The following RNF125 variants were observed in gnomAD, a reference collection of about 807,000 sequenced individuals.
The protein encoded by RNF125 is E3 ubiquitin-protein ligase RNF125.
In RNF125, 21 loss-of-function variants were observed where a neutral mutation model predicts 26.0. The ratio of observed to expected loss-of-function variants is 0.81; its 90% CI spans 0.57 to 1.16. The LOEUF (loss-of-function observed/expected upper bound fraction) is 1.16, where lower values mean the gene tolerates loss of function less well. RNF125 is among the 50% of genes most tolerant of loss of function. The pLI is 0.00. For missense variants in RNF125, 270 were observed against 299.4 expected (o/e 0.90, Z 0.72); for synonymous variants, 95 against 109.2 (o/e 0.87, Z 0.81).
intron 1 of RNF125, among the ~76,000 whole-genome samples, chr18:32,024,206 TTTC>T (rs755102068): frequency 0.01 from 1,015 of 97,268 alleles, 80 homozygotes; most frequent in African/African-American, 0.032. Context: ...TTTTTTTTTT[TTTC>T]TTTTTTTTTT....
Position 32,037,241 on chromosome 18 carries a change from A to G in RNF125, c.290A>G (p.Tyr97Cys), listed in dbSNP as rs751186033. The change falls in exon 2 of 6, where the codon TAT becomes TGT. Residue 97 changes from tyrosine (Y) to cysteine (C), a missense_variant. Coordinates refer to ENST00000217740, the MANE Select transcript of RNF125 (RefSeq NM_017831.4). ...GTAGCCAAAAGAATGAAATCAGAGTATAAGAACTGCGCTGAGTGTGACACC... is the reference window on the plus strand; with the variant it reads ...GTAGCCAAAAGAATGAAATCAGAGTGTAAGAACTGCGCTGAGTGTGACACC... ...TDVAKRMKSEYKNCAECDTLV... is the reference protein window; with the variant it reads ...TDVAKRMKSECKNCAECDTLV... 1 of 1,601,596 alleles carries G rather than the reference A, an allele frequency of 6.2e-7. No homozygotes were observed.
At chr18:32,074,654 T>C (rs190637890), downstream of RNF125, among the ~76,000 whole-genome samples, 545 of 152,314 alleles carry the variant, frequency 3.6e-3, 2 homozygotes, top group Middle Eastern at 0.01. Context: ...GCAATTCTCC[T>C]GTCTCAGTCT....
intron 2 of RNF125, among the ~76,000 whole-genome samples, chr18:32,039,168 G>A (rs776652975): frequency 1.3e-5 from 2 of 151,628 alleles, no homozygotes; most frequent in Non-Finnish European, 2.9e-5. Context: ...TTGGGAGCCC[G>A]AGGCGGGAGG....
intron 3 of RNF125, among the ~76,000 whole-genome samples, chr18:32,044,327 T>G (rs552868875): frequency 6.6e-6 from 1 of 152,254 alleles, no homozygotes; most frequent in South Asian, 2.1e-4. Flanking sequence ...GTTAATCACA[T>G]GTAATTCAAA....
rs1156859954 is a variant in RNF125 at position 32,028,297 on chromosome 18, TAAAAAAAAAAAAA to T, written c.165-8803_165-8791del. ...TGGGCAACAGAGCGAGACTCCGTCT[TAAAAAAAAAAAAA>T]AAAAAAAAAAAAAAATAATAGGTAG... On this transcript the variant is annotated intron_variant, in intron 1 of 5. Coordinates refer to ENST00000217740, the MANE Select transcript of RNF125 (RefSeq NM_017831.4). 4.7e-4 allele frequency among the ~76,000 whole-genome samples: 34 copies of T among 72,396 alleles called. 1 individual carries two copies. The Admixed American group carries it at 5.0e-3, about 11-fold the overall frequency. The allele number at this position is 72,396 out of a possible 152,430, so 47.5% of individuals were successfully genotyped here.
chr18:32,067,047 T>TCGTGA (rs1166649687), intron 5 of RNF125, among the ~76,000 whole-genome samples: 1 of 152,140 alleles, frequency 6.6e-6, no homozygotes, highest in Non-Finnish European at 1.5e-5. Flanking sequence ...GGTCAGGAGA[T>TCGTGA]CGTGACCATC....
intron 1 of RNF125, among the ~76,000 whole-genome samples, chr18:32,026,703 A>G (rs2039040669): frequency 6.6e-6 from 1 of 152,192 alleles, no homozygotes; most frequent in South Asian, 2.1e-4. Flanking sequence ...GGCCCCGTAG[A>G]GGAAGCAGAT....
At chr18:32,038,043 A>ATTTTTT (rs35226765) in intron 2 of RNF125, among the ~76,000 whole-genome samples, 26 of 103,396 alleles carry the variant, frequency 2.5e-4, no homozygotes, top group African/African-American at 8.6e-4. Flanking sequence ...GGTCCGTGCC[A>ATTTTTT]TTTTTTTTTT....
downstream of RNF125, chr18:32,075,828 T>C (rs62093946): frequency 3.5e-3 from 2,342 of 671,448 alleles, 9 homozygotes; most frequent in Non-Finnish European, 3.7e-3. Flanking sequence ...TCTTTGTTGT[T>C]GTTGTTTGTG....
intron 4 of RNF125, among the ~76,000 whole-genome samples, chr18:32,059,546 C>A (rs1174353170): frequency 2.0e-5 from 3 of 152,108 alleles, no homozygotes; most frequent in Admixed American, 6.6e-5. Flanking sequence ...GAGGAGTTTG[C>A]AAATATTTTC....
chr18:32,073,394 T>C (rs79407994), downstream of RNF125, among the ~76,000 whole-genome samples: 3,092 of 152,268 alleles, frequency 0.02, 121 homozygotes, highest in African/African-American at 0.07. Flanking sequence ...CTAACAGGGC[T>C]TGGGTGTGCT....
intron 5 of RNF125, 41 bp downstream of exon 5, chr18:32,066,050 G>A (rs763985246): frequency 7.7e-7 from 1 of 1,296,180 alleles, no homozygotes; most frequent in South Asian, 1.2e-5. Context: ...TTTTCATGCT[G>A]TCTTGTTAAG....
At chr18:32,022,054 A>G (rs1449946351) in intron 1 of RNF125, among the ~76,000 whole-genome samples, 2 of 152,224 alleles carry the variant, frequency 1.3e-5, no homozygotes, top group Non-Finnish European at 2.9e-5. Flanking sequence ...AGAGATTGTG[A>G]GCGTTAATAC....
chr18:32,082,243 C>T, the RNF125 span, among the ~76,000 whole-genome samples: 1 of 152,156 alleles, frequency 6.6e-6, no homozygotes, highest in Non-Finnish European at 1.5e-5. Context: ...AAACCTCACA[C>T]TGGCTTCTCT....
At chr18:32,076,696 A>G (rs1195920995), downstream of RNF125, among the ~76,000 whole-genome samples, 2 of 151,822 alleles carry the variant, frequency 1.3e-5, no homozygotes, top group East Asian at 1.9e-4. Context: ...CCACTCTCCA[A>G]CTTCATCTCA....
the RNF125 span, among the ~76,000 whole-genome samples, chr18:32,088,187 A>G: frequency 2.9e-3 from 437 of 152,362 alleles, 1 homozygote; most frequent in African/African-American, 9.7e-3. Context: ...CTCACCAGTC[A>G]GGATGGACAA....
At chr18:32,062,970 A>G (rs1286739976) in intron 4 of RNF125, among the ~76,000 whole-genome samples, 1 of 152,176 alleles carries the variant, frequency 6.6e-6, no homozygotes, top group African/African-American at 2.4e-5. Context: ...TTGTAATCCC[A>G]GCACTTTGGG....
At chr18:32,021,552 T>C (rs2038987228) in intron 1 of RNF125, among the ~76,000 whole-genome samples, 1 of 152,226 alleles carries the variant, frequency 6.6e-6, no homozygotes, top group South Asian at 2.1e-4. Context: ...TCATAAAATA[T>C]ATTGATTATT....
intron 1 of RNF125, among the ~76,000 whole-genome samples, chr18:32,027,578 A>T (rs927285724): frequency 6.6e-6 from 1 of 152,190 alleles, no homozygotes; most frequent in African/African-American, 2.4e-5. Flanking sequence ...CTATAGGCAG[A>T]GATCGGAGAG....
Sources: gnomAD v4.1 joint callset for allele counts (sites outside exome capture counted in the v4.1 genomes callset) on GRCh38, gnomAD v4.1.1 for gene constraint, MANE v1.5 for transcripts, NCBI Gene and HGNC (gene_info 2026-07-23, HGNC 2026-07-21) for gene names.